The following EXT1 variants were observed in gnomAD, a reference collection of about 807,000 sequenced individuals.
EXT1 encodes exostosin-1.
EXT1 carries 20 observed loss-of-function variants against 82.5 expected under a neutral mutation model. The observed-to-expected ratio is 0.24, with a 90% CI of 0.17 to 0.35. The LOEUF (loss-of-function observed/expected upper bound fraction) is 0.35. Among genes scored for constraint, EXT1 ranks in the 10% least tolerant of loss-of-function variants. The probability of loss-of-function intolerance (pLI) is 1.00; values close to 1 mark genes in which losing one functional copy is unlikely to be tolerated. For missense variants in EXT1, 757 were observed against 936.5 expected, an observed-to-expected ratio of 0.81 and a Z score of 2.50; for synonymous variants, 348 against 350.8, an observed-to-expected ratio of 0.99 and a Z score of 0.09.
At chr8:117,807,106 G>C in intron 9 of EXT1, 111 bp downstream of exon 9, 3 of 1,326,714 alleles carry the variant, frequency 2.3e-6, no homozygotes, top group Non-Finnish European at 3.3e-6. Flanking sequence ...CGGGGATACA[G>C]ACTAATTTTC....
intron 1 of EXT1, among the ~76,000 whole-genome samples, chr8:118,083,569 C>T (rs1457410422): frequency 6.6e-6 from 1 of 152,130 alleles, no homozygotes; most frequent in East Asian, 1.9e-4. Flanking sequence ...CACCTCAACA[C>T]CTCTCTTCCT....
chr8:118,066,569 C>T (rs1816992922), intron 1 of EXT1, among the ~76,000 whole-genome samples: 1 of 152,054 alleles, frequency 6.6e-6, no homozygotes, highest in Non-Finnish European at 1.5e-5. Context: ...CCATGTTGAC[C>T]AGGCTGGTCT....
intron 1 of EXT1, among the ~76,000 whole-genome samples, chr8:117,864,353 C>A (rs1426407619): frequency 6.6e-6 from 1 of 152,130 alleles, no homozygotes; most frequent in Admixed American, 6.5e-5. Flanking sequence ...ACAGTCTAGA[C>A]CAGGGTGTCC....
intron 1 of EXT1, among the ~76,000 whole-genome samples, chr8:117,904,231 CT>C (rs1293107854): frequency 6.6e-6 from 1 of 152,120 alleles, no homozygotes; most frequent in African/African-American, 2.4e-5. Context: ...AATCCAATTT[CT>C]TTTTCTAAAA....
At chr8:118,015,796 T>A (rs1815991573) in intron 1 of EXT1, among the ~76,000 whole-genome samples, 1 of 151,950 alleles carries the variant, frequency 6.6e-6, no homozygotes, top group African/African-American at 2.4e-5. Flanking sequence ...CAGCCTGGAG[T>A]GGGGAGGGCC....
At chr8:117,849,293 T>G (rs1317646483) in intron 1 of EXT1, among the ~76,000 whole-genome samples, 1 of 152,200 alleles carries the variant, frequency 6.6e-6, no homozygotes, top group East Asian at 1.9e-4. Flanking sequence ...GCTTACCTTC[T>G]TTCTCCCCAA....
intron 1 of EXT1, among the ~76,000 whole-genome samples, chr8:117,934,414 G>A (rs916102297): frequency 6.6e-6 from 1 of 152,188 alleles, no homozygotes; most frequent in African/African-American, 2.4e-5. Context: ...TGAGTCTGGG[G>A]AGCCTGCCTG....
chr8:117,976,008 C>T (rs17476128), intron 1 of EXT1, among the ~76,000 whole-genome samples: 4,395 of 152,170 alleles, frequency 0.029, 230 homozygotes, highest in African/African-American at 0.099. Context: ...CGGAAGTGAG[C>T]CAGGACTTTA....
chr8:118,090,868 G>GT (rs1554600044), intron 1 of EXT1, among the ~76,000 whole-genome samples: 6 of 144,644 alleles, frequency 4.1e-5, no homozygotes, highest in African/African-American at 1.5e-4. Flanking sequence ...GTATACACAG[G>GT]TTTATACTAA....
At chr8:117,809,542 C>G (rs1363662779) in intron 8 of EXT1, among the ~76,000 whole-genome samples, 3 of 151,160 alleles carry the variant, frequency 2.0e-5, no homozygotes, top group African/African-American at 7.3e-5. Flanking sequence ...GAGGCTGAGG[C>G]ACGAGAATTG....
intron 1 of EXT1, among the ~76,000 whole-genome samples, chr8:117,895,692 A>T (rs1481523349): frequency 6.6e-6 from 1 of 152,186 alleles, no homozygotes; most frequent in East Asian, 1.9e-4. Context: ...TACCAGAATA[A>T]CCTAGGCAAC....
intron 8 of EXT1, 84 bp downstream of exon 8, chr8:117,812,788 C>G: frequency 1.6e-6 from 2 of 1,245,708 alleles, no homozygotes; most frequent in South Asian, 2.5e-5. Context: ...TGCCAAGGCA[C>G]GGCTAAAAGA....
chr8:117,958,887 A>G (rs1038578752), intron 1 of EXT1, among the ~76,000 whole-genome samples: 1 of 151,976 alleles, frequency 6.6e-6, no homozygotes, highest in African/African-American at 2.4e-5. Flanking sequence ...TGCACTTACC[A>G]TCTCTGGCTC....
intron 1 of EXT1, among the ~76,000 whole-genome samples, chr8:118,080,165 A>C (rs1026761086): frequency 1.2e-4 from 18 of 152,184 alleles, no homozygotes; most frequent in African/African-American, 4.1e-4. Context: ...AATAGAGAAA[A>C]TGGTATGGAG....
chr8:118,106,615 G>A (rs1001116341), intron 1 of EXT1, among the ~76,000 whole-genome samples: 1 of 152,202 alleles, frequency 6.6e-6, no homozygotes, highest in Non-Finnish European at 1.5e-5. Flanking sequence ...CTTGGAGGGG[G>A]TCAAAGATAG....
At chr8:117,925,933 T>C (rs1813945337) in intron 1 of EXT1, among the ~76,000 whole-genome samples, 1 of 151,938 alleles carries the variant, frequency 6.6e-6, no homozygotes, top group African/African-American at 2.4e-5. Context: ...CAAGAAATTG[T>C]TTTCATCCCT....
chr8:117,973,462 T>C (rs1032258159), intron 1 of EXT1, among the ~76,000 whole-genome samples: 1 of 152,174 alleles, frequency 6.6e-6, no homozygotes, highest in Admixed American at 6.6e-5. Flanking sequence ...ACAGCTATAC[T>C]AGTGCAAATT....
chr8:118,081,886 C>A (rs1817338821), intron 1 of EXT1, among the ~76,000 whole-genome samples: 1 of 152,266 alleles, frequency 6.6e-6, no homozygotes, highest in African/African-American at 2.4e-5. Flanking sequence ...TTGCCTTCCT[C>A]TTAAAATTGT....
chr8:118,021,826 C>T (rs1021549859), intron 1 of EXT1, among the ~76,000 whole-genome samples: 3 of 152,164 alleles, frequency 2.0e-5, no homozygotes, highest in African/African-American at 7.2e-5. Context: ...TGGGCAAAGA[C>T]ATTCCATTTC....
Sources: gnomAD v4.1 joint callset for allele counts (sites outside exome capture counted in the v4.1 genomes callset) on GRCh38, gnomAD v4.1.1 for gene constraint, MANE v1.5 for transcripts, NCBI Gene and HGNC (gene_info 2026-07-23, HGNC 2026-07-21) for gene names.